The following CACNA1C variants were observed in gnomAD, a reference collection of about 807,000 sequenced individuals.
CACNA1C encodes the protein calcium voltage-gated channel subunit alpha1 C.
CACNA1C carries 30 observed loss-of-function variants against 229.0 expected under a neutral mutation model. The observed-to-expected ratio is 0.13, with a 90% CI of 0.10 to 0.18. CACNA1C has a LOEUF of 0.18. Ranked by LOEUF, CACNA1C falls within the 10% of genes least tolerant of loss-of-function variation. The pLI, the probability that CACNA1C is intolerant of heterozygous loss-of-function variation, is 1.00. For synonymous variants in CACNA1C, 1,114 were observed against 1,132.5 expected (o/e 0.98, Z 0.33); for missense variants, 1,658 against 2,845.0 (o/e 0.58, Z 9.49).
At chr12:2,618,406 C>T (rs932648825) in intron 29 of CACNA1C, among the ~76,000 whole-genome samples, 1 of 152,202 alleles carries the variant, frequency 6.6e-6, no homozygotes, top group Non-Finnish European at 1.5e-5. Flanking sequence ...CTGAAGGTTG[C>T]CAATGGTGAC....
intron 9 of CACNA1C, among the ~76,000 whole-genome samples, chr12:2,543,653 C>A (rs116168808): frequency 2.3e-4 from 35 of 152,256 alleles, no homozygotes; most frequent in African/African-American, 8.4e-4. Flanking sequence ...CAGAAAGGAA[C>A]CTTTAGATAT....
intron 3 of CACNA1C, among the ~76,000 whole-genome samples, chr12:2,226,597 T>C (rs1287597504): frequency 6.6e-6 from 1 of 152,254 alleles, no homozygotes; most frequent in African/African-American, 2.4e-5. Context: ...TGTGTCACCA[T>C]AGTGCACAGC....
chr12:2,053,532 C>G lies in CACNA1C; in HGVS notation c.-31C>G, dbSNP rs1360800864. 1 of 1,573,162 alleles carries G rather than the reference C, an allele frequency of 6.4e-7. No individual in the cohort carries two copies. The highest frequency in any genetic ancestry group is 1.9e-5 in the Admixed American group (1 of 53,906). ...TTTTCACATTTCTTCCTCTTCGTGG[C>G]TGCTCCTCCTATTAAAACCATTTTT... On this transcript the variant is annotated 5_prime_UTR_variant, in exon 1 of 47. Transcript: ENST00000399655. This position sits in a 1 kb window ranked among gnomAD's most constrained non-coding sequence, Gnocchi z 5.8.
Position 2,633,530 on chromosome 12 carries a change from G to A in CACNA1C, c.3829-767G>A, listed in dbSNP as rs1183867018. ...GCGTCCGGAACTCCAGAGGCAACAC[G>A]GAGGTGCCTGGACGATGATTCTGAT... On this transcript the variant is annotated intron_variant, in intron 29 of 46. Transcript: ENST00000399655. This position sits in a 1 kb window ranked among gnomAD's most constrained non-coding sequence, Gnocchi z 5.8. 1.2e-5 allele frequency: 9 copies of A among 779,296 alleles called. No homozygotes were observed. The highest frequency in any genetic ancestry group is 2.6e-5 in the East Asian group (1 of 38,800). The allele number at this position is 779,296 out of a possible 1,614,324, so 48.3% of individuals were successfully genotyped here. A position where few individuals can be genotyped will look rare whatever the true frequency, so the allele number is the denominator to read the frequency against.
In CACNA1C at chr12:2,677,256, G is replaced by A; in HGVS notation, c.4956+35G>A. The A allele has an allele frequency of 6.2e-7, 1 of 1,606,022 alleles. No homozygotes were observed. The highest frequency in any genetic ancestry group is 8.5e-7 in the Non-Finnish European group (1 of 1,175,214). ...TGGGGGCGGGCCCACACTCCAGGAA[G>A]GTCCTGGTCATTGCCTCTGACCTCC... On this transcript the variant is annotated intron_variant, in intron 40 of 46. Coordinates refer to ENST00000399655, the MANE Select transcript of CACNA1C (RefSeq NM_000719.7). The surrounding 1 kb of genome is among the most constrained non-coding windows in gnomAD (Gnocchi z 7.4).
intron 1 of CACNA1C, among the ~76,000 whole-genome samples, chr12:2,096,230 C>G (rs1384059944): frequency 6.6e-6 from 1 of 152,232 alleles, no homozygotes; most frequent in Non-Finnish European, 1.5e-5. Flanking sequence ...TCTGGTTTTA[C>G]TCAGTTGTGA....
intron 3 of CACNA1C, among the ~76,000 whole-genome samples, chr12:2,321,407 G>A (rs1051455204): frequency 4.6e-5 from 7 of 152,040 alleles, no homozygotes; most frequent in Non-Finnish European, 1.0e-4. Flanking sequence ...TACCCATCTC[G>A]TAGGGCTGAT....
chr12:2,364,044 T>C (rs1404631218), intron 3 of CACNA1C, among the ~76,000 whole-genome samples: 1 of 152,160 alleles, frequency 6.6e-6, no homozygotes, highest in East Asian at 1.9e-4. Context: ...TGATCCCTGG[T>C]CTTCTCCAAG....
chr12:2,517,314 CA>C (rs2099799054), intron 9 of CACNA1C, among the ~76,000 whole-genome samples: 1 of 152,190 alleles, frequency 6.6e-6, no homozygotes, highest in African/African-American at 2.4e-5. Context: ...ATCAGGAAAC[CA>C]GAAAGAGGAG....
chr12:2,517,968 A>G (rs1304572840), intron 9 of CACNA1C, among the ~76,000 whole-genome samples: 2 of 152,256 alleles, frequency 1.3e-5, no homozygotes, highest in Non-Finnish European at 2.9e-5. Flanking sequence ...TTGCAGTTCA[A>G]TACAGACATT....
chr12:2,621,553 G>A (rs1044327938), intron 29 of CACNA1C, among the ~76,000 whole-genome samples: 10 of 152,146 alleles, frequency 6.6e-5, no homozygotes, highest in African/African-American at 2.4e-4. Flanking sequence ...TATATAATCT[G>A]ATTTTCATTT....
intron 1 of CACNA1C, among the ~76,000 whole-genome samples, chr12:2,100,919 T>C (rs945287677): frequency 4.7e-5 from 7 of 149,438 alleles, no homozygotes; most frequent in African/African-American, 1.7e-4. Context: ...GAGGATCACC[T>C]GAGTCTGGGG....
intron 3 of CACNA1C, among the ~76,000 whole-genome samples, chr12:2,351,702 A>G (rs1474845255): frequency 3.9e-5 from 6 of 152,206 alleles, no homozygotes; most frequent in Non-Finnish European, 8.8e-5. Context: ...GCCATGCTGC[A>G]GAAGGGAAAA....
intron 3 of CACNA1C, among the ~76,000 whole-genome samples, chr12:2,272,904 C>T (rs949678244): frequency 6.6e-6 from 1 of 152,228 alleles, no homozygotes. Flanking sequence ...GCAAACAAGA[C>T]TCTGATGTTG....
chr12:2,677,265 C>T lies in CACNA1C; in HGVS notation c.4956+44C>T. On this transcript the variant is annotated intron_variant, in intron 40 of 46. Transcript: ENST00000399655. The surrounding 1 kb of genome is among the most constrained non-coding windows in gnomAD (Gnocchi z 7.4). Reference sequence around the variant, plus strand: ...GCCCACACTCCAGGAAGGTCCTGGTCATTGCCTCTGACCTCCAGTCAGGGT... The same window carrying T: ...GCCCACACTCCAGGAAGGTCCTGGTTATTGCCTCTGACCTCCAGTCAGGGT... 1 of 1,600,940 alleles carries T rather than the reference C, an allele frequency of 6.2e-7. No homozygotes were observed. The highest frequency in any genetic ancestry group is 8.5e-7 in the Non-Finnish European group (1 of 1,172,438).
chr12:2,502,054 G>C (rs1172877330), intron 7 of CACNA1C, among the ~76,000 whole-genome samples: 1 of 152,226 alleles, frequency 6.6e-6, no homozygotes, highest in Non-Finnish European at 1.5e-5. Flanking sequence ...GTGCAAGGTT[G>C]ACACAGGCCT....
intron 3 of CACNA1C, among the ~76,000 whole-genome samples, chr12:2,337,789 C>T (rs2096744562): frequency 6.6e-6 from 1 of 152,228 alleles, no homozygotes; most frequent in South Asian, 2.1e-4. Context: ...CCCTCCAGGA[C>T]CCACCACTGG....
chr12:2,116,155 AAAAC>A (rs1195417155), intron 2 of CACNA1C, among the ~76,000 whole-genome samples: 6 of 152,238 alleles, frequency 3.9e-5, no homozygotes, highest in African/African-American at 9.6e-5. Flanking sequence ...CCTAGGCATA[AAAAC>A]AAACAAACAA....
intron 3 of CACNA1C, among the ~76,000 whole-genome samples, chr12:2,339,261 A>G (rs1018863985): frequency 2.0e-5 from 3 of 152,260 alleles, no homozygotes; most frequent in African/African-American, 7.2e-5. Context: ...AAACATAGAA[A>G]AGGTACAAAG....
Sources: allele counts gnomAD v4.1 joint callset (sites outside exome capture counted in the v4.1 genomes callset), GRCh38; gene constraint gnomAD v4.1.1; non-coding constraint Gnocchi (gnomAD v3.1); transcripts MANE v1.5; gene names NCBI Gene and HGNC (gene_info 2026-07-23, HGNC 2026-07-21).